THSD7B: variants seen among roughly 807,000 people sequenced by gnomAD.
The protein encoded by THSD7B is thrombospondin type-1 domain-containing protein 7B.
In THSD7B, 138 loss-of-function variants were observed where a neutral mutation model predicts 213.6. The ratio of observed to expected loss-of-function variants is 0.65; its 90% CI spans 0.56 to 0.74. THSD7B has a LOEUF of 0.74. THSD7B is among the 30% of genes least tolerant of loss of function. The pLI is 0.00. For missense variants in THSD7B, 1,931 were observed against 1,991.5 expected (o/e 0.97, Z 0.58); for synonymous variants, 742 against 687.0 (o/e 1.08, Z -1.25).
At chr2:136,847,680 G>C (rs1683033466) in intron 1 of THSD7B, among the ~76,000 whole-genome samples, 1 of 152,084 alleles carries the variant, frequency 6.6e-6, no homozygotes, top group Non-Finnish European at 1.5e-5. Context: ...TTGCTTGACA[G>C]GGTCTTTCTG....
intron 9 of THSD7B, among the ~76,000 whole-genome samples, chr2:137,236,240 A>G (rs1164944971): frequency 8.5e-5 from 13 of 152,164 alleles, no homozygotes; most frequent in Admixed American, 8.5e-4. Flanking sequence ...AGAAGGACGC[A>G]TGTCTCCATG....
At chr2:137,126,737 T>A (rs539904414) in intron 5 of THSD7B, among the ~76,000 whole-genome samples, 1 of 152,354 alleles carries the variant, frequency 6.6e-6, no homozygotes, top group East Asian at 1.9e-4. Flanking sequence ...CAGCCAGTCT[T>A]GGCTTTCAAC....
At chr2:136,817,858 C>T (rs1184086005) in intron 1 of THSD7B, among the ~76,000 whole-genome samples, 1 of 149,204 alleles carries the variant, frequency 6.7e-6, no homozygotes, top group Non-Finnish European at 1.5e-5. Flanking sequence ...TACCATCTCA[C>T]ACCAGTTAGA....
At chr2:136,945,536 G>A (rs184405639) in intron 2 of THSD7B, among the ~76,000 whole-genome samples, 6 of 152,232 alleles carry the variant, frequency 3.9e-5, no homozygotes, top group Non-Finnish European at 5.9e-5. Flanking sequence ...GGTTGGGAAA[G>A]TTCTCCTGGA....
At chr2:137,584,253 T>G (rs575177791) in intron 17 of THSD7B, among the ~76,000 whole-genome samples, 7 of 152,274 alleles carry the variant, frequency 4.6e-5, no homozygotes, top group African/African-American at 1.7e-4. Context: ...GATGATTAGG[T>G]TTTCTAAATA....
chr2:136,792,434 T>G (rs1282749378), intron 1 of THSD7B, among the ~76,000 whole-genome samples: 3 of 151,922 alleles, frequency 2.0e-5, no homozygotes, highest in Non-Finnish European at 2.9e-5. Context: ...GAAACAATAA[T>G]GGTGGATACC....
In THSD7B at chr2:137,667,869, C is replaced by G. The variant is rs1392187117; in HGVS notation, c.4739+8C>G. On this transcript the variant is annotated splice_region_variant and intron_variant, in intron 27 of 27. Transcript: ENST00000409968. ...TACTTCCTACCTTGTTTGGTAAGTA[C>G]TAATTAGTAAAAAGTTTATGTTCCG... is the stretch of plus-strand genomic sequence containing the variant. 2 of 1,565,438 alleles carry G rather than the reference C, an allele frequency of 1.3e-6. No individual in the cohort carries two copies. Among genetic ancestry groups the G allele is most frequent in the Admixed American group, 1.9e-5 (1 of 53,004 alleles).
chr2:137,055,813 C>G (rs1307665386), intron 2 of THSD7B, among the ~76,000 whole-genome samples: 1 of 152,140 alleles, frequency 6.6e-6, no homozygotes, highest in Non-Finnish European at 1.5e-5. Flanking sequence ...TATTTTCATG[C>G]AATTCTCTCT....
At chr2:137,583,053 C>A (rs1022636799) in intron 17 of THSD7B, among the ~76,000 whole-genome samples, 9 of 152,184 alleles carry the variant, frequency 5.9e-5, no homozygotes, top group African/African-American at 2.2e-4. Flanking sequence ...GAGATGATAT[C>A]TCATTGTGGT....
intron 1 of THSD7B, among the ~76,000 whole-genome samples, chr2:136,790,027 G>T (rs1401689117): frequency 6.6e-6 from 1 of 151,662 alleles, no homozygotes; most frequent in Non-Finnish European, 1.5e-5. Context: ...AAGGAGCTTT[G>T]TTCTCAGGGC....
intron 21 of THSD7B, among the ~76,000 whole-genome samples, chr2:137,645,968 T>A (rs1034890135): frequency 6.6e-6 from 1 of 152,216 alleles, no homozygotes; most frequent in Admixed American, 6.5e-5. Flanking sequence ...ATAAATCTAC[T>A]ATGAATTGAT....
At chr2:137,235,390 G>A (rs1681742112) in intron 9 of THSD7B, among the ~76,000 whole-genome samples, 1 of 152,036 alleles carries the variant, frequency 6.6e-6, no homozygotes. Flanking sequence ...TTTCATCTTT[G>A]ACCCACTATG....
chr2:137,031,420 A>C (rs1686664589), intron 2 of THSD7B, among the ~76,000 whole-genome samples: 1 of 152,156 alleles, frequency 6.6e-6, no homozygotes, highest in Non-Finnish European at 1.5e-5. Context: ...TTCTGAGAGT[A>C]GTCTCTCATT....
intron 1 of THSD7B, among the ~76,000 whole-genome samples, chr2:136,876,573 G>A (rs770212086): frequency 3.3e-5 from 5 of 152,162 alleles, no homozygotes; most frequent in Non-Finnish European, 5.9e-5. Context: ...AAAAGACTTA[G>A]GCAGTCTTTA....
At chr2:137,308,946 G>C (rs1353217546) in intron 12 of THSD7B, among the ~76,000 whole-genome samples, 1 of 151,978 alleles carries the variant, frequency 6.6e-6, no homozygotes, top group African/African-American at 2.4e-5. Context: ...ATATGACATT[G>C]TTTTTGTATT....
intron 2 of THSD7B, among the ~76,000 whole-genome samples, chr2:136,907,868 A>T (rs1251641102): frequency 6.6e-6 from 1 of 152,198 alleles, no homozygotes; most frequent in Non-Finnish European, 1.5e-5. Flanking sequence ...TGTCACCAAC[A>T]TTAAGCAGTA....
intron 1 of THSD7B, among the ~76,000 whole-genome samples, chr2:136,793,557 TG>T (rs1682006531): frequency 1.3e-5 from 2 of 152,050 alleles, no homozygotes; most frequent in African/African-American, 4.8e-5. Context: ...TCACAGATTT[TG>T]TCTTACTTAT....
chr2:137,493,767 C>A (rs1260760756), intron 15 of THSD7B, among the ~76,000 whole-genome samples: 1 of 152,114 alleles, frequency 6.6e-6, no homozygotes. Flanking sequence ...CTCCTATTTT[C>A]TTTATTTAAT....
intron 2 of THSD7B, among the ~76,000 whole-genome samples, chr2:136,973,899 T>C (rs1685441297): frequency 6.6e-6 from 1 of 152,242 alleles, no homozygotes; most frequent in Non-Finnish European, 1.5e-5. Context: ...CTTTTAAAAC[T>C]AAACTATCAT....
Sources: gnomAD v4.1 joint callset for allele counts (sites outside exome capture counted in the v4.1 genomes callset) on GRCh38, gnomAD v4.1.1 for gene constraint, MANE v1.5 for transcripts, NCBI Gene and HGNC (gene_info 2026-07-23, HGNC 2026-07-21) for gene names.